Variants in HECTD2 observed in about 807,000 individuals in gnomAD.
The protein encoded by HECTD2 is probable E3 ubiquitin-protein ligase HECTD2.
Under a neutral mutation model 103.2 loss-of-function variants are expected in HECTD2, and 35 were observed. The observed-to-expected ratio is 0.34, with a 90% confidence interval of 0.26 to 0.45. The LOEUF (loss-of-function observed/expected upper bound fraction) is 0.45. Among genes scored for constraint, HECTD2 ranks in the 20% least tolerant of loss-of-function variants. HECTD2 has a pLI of 1.00. For synonymous variants in HECTD2, 281 were observed against 329.9 expected, an observed-to-expected ratio of 0.85 and a Z score of 1.61; for missense variants, 596 against 937.4, an observed-to-expected ratio of 0.64 and a Z score of 4.76.
chr10:91,439,089 C>T (rs185488165), intron 2 of HECTD2, among the ~76,000 whole-genome samples: 35 of 152,268 alleles, frequency 2.3e-4, no homozygotes, highest in African/African-American at 8.4e-4. Context: ...AATTAGATGC[C>T]ATTTGTCAAT....
chr10:91,476,132 TAGAG>T (rs1845892439), intron 5 of HECTD2, among the ~76,000 whole-genome samples: 1 of 152,084 alleles, frequency 6.6e-6, no homozygotes, highest in Non-Finnish European at 1.5e-5. Flanking sequence ...AATGTTTTAG[TAGAG>T]AGGGAGAAAC....
Position 91,465,649 on chromosome 10 carries a change from T to C in HECTD2, c.600+3465T>C, listed in dbSNP as rs771061056. Among the ~76,000 whole-genome samples the C allele has an allele frequency of 4.6e-5, 7 of 152,242 alleles. No individual in the cohort carries two copies. In the East Asian group the frequency reaches 1.4e-3, roughly 29 times the overall value. Reference sequence around the variant, plus strand: ...GATAATTTTTATCATGAATGGGTATTGGATTTCATCAACTGTTTCTTTTGC... The same window carrying C: ...GATAATTTTTATCATGAATGGGTATCGGATTTCATCAACTGTTTCTTTTGC... On this transcript the variant is annotated intron_variant, in intron 5 of 20. Coordinates refer to ENST00000298068, the MANE Select transcript of HECTD2 (RefSeq NM_182765.6).
In HECTD2 at chr10:91,412,159, T is replaced by C. The variant is rs546813802; in HGVS notation, c.138+1583T>C. 1.4e-4 allele frequency among the ~76,000 whole-genome samples: 21 copies of C among 152,360 alleles called. No homozygotes were observed. In the South Asian group the frequency reaches 2.3e-3, roughly 17 times the overall value. ...CACAGTAAGGTCCTAGCCAGTTCTCTCTAATCAACCATCTTAATAACTGTA... is the reference window on the plus strand; with the variant it reads ...CACAGTAAGGTCCTAGCCAGTTCTCCCTAATCAACCATCTTAATAACTGTA... On this transcript the variant is annotated intron_variant, in intron 1 of 20. Coordinates refer to ENST00000298068, the MANE Select transcript of HECTD2 (RefSeq NM_182765.6).
At chr10:91,476,946 C>T (rs1845926030) in intron 5 of HECTD2, among the ~76,000 whole-genome samples, 1 of 146,638 alleles carries the variant, frequency 6.8e-6, no homozygotes. Context: ...TTTGGGAGGC[C>T]GAGGCGGGTG....
chr10:91,501,180 G>C lies in HECTD2; in HGVS notation c.2067-11G>C. On this transcript the variant is annotated splice_polypyrimidine_tract_variant and intron_variant, in intron 19 of 20. Transcript: ENST00000298068. ...AGACATTTGATGTTAATTTCCTTTGGTATTCTCTAGATACTTTTGGGATGT... is the reference window on the plus strand; with the variant it reads ...AGACATTTGATGTTAATTTCCTTTGCTATTCTCTAGATACTTTTGGGATGT... The C allele has an allele frequency of 6.2e-7, 1 of 1,601,606 alleles. No individual in the cohort carries two copies. The highest frequency in any genetic ancestry group is 2.3e-5 in the East Asian group (1 of 44,260).
chr10:91,409,265 G>C (rs937709010), upstream of HECTD2: 2 of 152,164 alleles, frequency 1.3e-5, no homozygotes, highest in Non-Finnish European at 2.9e-5. Context: ...AAAAGGAAAA[G>C]GAGGGGGCGA....
At chr10:91,467,366 T>C (rs1359024459) in intron 5 of HECTD2, among the ~76,000 whole-genome samples, 1 of 152,174 alleles carries the variant, frequency 6.6e-6, no homozygotes, top group African/African-American at 2.4e-5. Context: ...CCCTCAAGGC[T>C]CACTGTGCTC....
intron 1 of HECTD2, among the ~76,000 whole-genome samples, chr10:91,417,159 T>G (rs1843160391): frequency 6.6e-6 from 1 of 152,146 alleles, no homozygotes; most frequent in African/African-American, 2.4e-5. Context: ...TTTATAGTTT[T>G]GTAGTTAACT....
In HECTD2 at chr10:91,473,090, A is replaced by G. The variant is rs527993800; in HGVS notation, c.601-5111A>G. On this transcript the variant is annotated intron_variant, in intron 5 of 20. Coordinates refer to ENST00000298068, the MANE Select transcript of HECTD2 (RefSeq NM_182765.6). The stretch of plus-strand genomic sequence containing the variant: ...TATTTAATACCTGGGAGTTTCCCAT[A>G]ACTGATGTAAGACGTGAATCCACAA... Among the ~76,000 whole-genome samples, 18 of 152,330 alleles carry G rather than the reference A, an allele frequency of 1.2e-4. No homozygotes were observed. In the South Asian group the frequency reaches 3.7e-3, roughly 32 times the overall value.
intron 20 of HECTD2, among the ~76,000 whole-genome samples, chr10:91,504,757 G>C (rs1454862008): frequency 7.0e-6 from 1 of 143,542 alleles, no homozygotes; most frequent in Non-Finnish European, 1.5e-5. Flanking sequence ...CCAACATTCA[G>C]ATTCAGGAAA....
intron 5 of HECTD2, among the ~76,000 whole-genome samples, chr10:91,469,382 C>G (rs933451925): frequency 2.6e-5 from 4 of 152,140 alleles, no homozygotes; most frequent in South Asian, 2.1e-4. Flanking sequence ...TAGTGAGAAC[C>G]CTATCAGGCT....
chr10:91,446,038 GCCT>G (rs1260280452), intron 2 of HECTD2, among the ~76,000 whole-genome samples: 2 of 151,890 alleles, frequency 1.3e-5, no homozygotes, highest in East Asian at 3.9e-4. Flanking sequence ...GTGACAGACT[GCCT>G]CCTCAAGTGG....
At position 91,491,214 on chromosome 10, in the gene HECTD2, TA is replaced by T; in HGVS notation, c.1209del (p.Val404TyrfsTer9). 2 of 1,558,554 alleles carry T rather than the reference TA, an allele frequency of 1.3e-6. No homozygotes were observed. The highest frequency in any genetic ancestry group is 1.8e-6 in the Non-Finnish European group (2 of 1,135,140). On this transcript the variant is annotated frameshift_variant, in exon 12 of 21. Coordinates refer to ENST00000298068, the MANE Select transcript of HECTD2 (RefSeq NM_182765.6). LOFTEE classifies it high-confidence loss of function. ...TATTTAATCAGCAAAGTCTGGTGGA[TA>T]AAGTATCTCGAAGACAGAGACCTGA... The part of the protein sequence containing the change: ...INIARQSLVD[K>X]VSRRQRPDMN...
chr10:91,477,994 A>G (rs1218635742), intron 5 of HECTD2, among the ~76,000 whole-genome samples: 16 of 152,196 alleles, frequency 1.1e-4, no homozygotes, highest in Non-Finnish European at 1.3e-4. Context: ...GTTGTATGCT[A>G]CACATACCAG....
chr10:91,425,160 T>C (rs1843508025), intron 1 of HECTD2, 121 bp from the exon 2 acceptor site: 7 of 785,914 alleles, frequency 8.9e-6, no homozygotes, highest in Non-Finnish European at 1.3e-5. Context: ...TTTATATACG[T>C]TTTTATCTAT....
intron 2 of HECTD2, among the ~76,000 whole-genome samples, chr10:91,445,908 T>C (rs1310915509): frequency 6.6e-6 from 1 of 152,132 alleles, no homozygotes; most frequent in Non-Finnish European, 1.5e-5. Context: ...GAGATTCTCT[T>C]GGGTGCCTAT....
intron 2 of HECTD2, among the ~76,000 whole-genome samples, chr10:91,450,850 G>T (rs1844787362): frequency 1.3e-5 from 2 of 152,014 alleles, no homozygotes; most frequent in Admixed American, 1.3e-4. Flanking sequence ...ATGGTGATCA[G>T]TAAAAAGTCA....
At chr10:91,439,383 T>C (rs199997707) in intron 2 of HECTD2, among the ~76,000 whole-genome samples, 3 of 152,210 alleles carry the variant, frequency 2.0e-5, no homozygotes, top group African/African-American at 4.8e-5. Context: ...GATCAGATTA[T>C]TGTAGATGTG....
At chr10:91,427,558 T>C (rs1394247652) in intron 2 of HECTD2, among the ~76,000 whole-genome samples, 2 of 152,188 alleles carry the variant, frequency 1.3e-5, no homozygotes, top group African/African-American at 4.8e-5. Flanking sequence ...TGGTGTGAGA[T>C]GGTATCTCAT....
Sources: gnomAD v4.1 joint callset for allele counts (sites outside exome capture counted in the v4.1 genomes callset) on GRCh38, gnomAD v4.1.1 for gene constraint, MANE v1.5 for transcripts, NCBI Gene and HGNC (gene_info 2026-07-23, HGNC 2026-07-21) for gene names.